Variants in NSUN7 observed in about 807,000 individuals in gnomAD.
The protein encoded by NSUN7 is protein NSUN7.
NSUN7 carries 39 observed loss-of-function variants against 58.5 expected under a neutral mutation model. That is an observed-to-expected ratio of 0.67 (90% CI 0.52 to 0.87). NSUN7 has a LOEUF of 0.87. NSUN7 is among the 40% of genes least tolerant of loss of function. NSUN7 has a pLI of 0.00. For missense variants in NSUN7, 765 were observed against 844.1 expected (o/e 0.91, Z 1.16); for synonymous variants, 278 against 303.7 (o/e 0.92, Z 0.88).
At position 40,808,647 on chromosome 4, in the gene NSUN7, C is replaced by T. The variant is rs1560568109; in HGVS notation, c.1865C>T (p.Thr622Ile). 6.4e-7 allele frequency: 1 copy of T among 1,551,942 alleles called. No individual in the cohort carries two copies. The highest frequency in any genetic ancestry group is 2.0e-5 in the Admixed American group (1 of 50,990). The change falls in exon 12 of 12, where the codon ACT (threonine) becomes ATT (isoleucine). Residue 622 changes from threonine to isoleucine, a missense_variant. Coordinates refer to ENST00000381782, the MANE Select transcript of NSUN7 (RefSeq NM_024677.6). ...HPAVPAFVKNTCPSRPRERQT... is the reference protein window; with the variant it reads ...HPAVPAFVKNICPSRPRERQT... ...GCAGTGCCTGCATTTGTGAAGAACA[C>T]TTGTCCCTCCAGACCGCGTGAACGG... is the stretch of plus-strand genomic sequence containing the variant.
intron 8 of NSUN7, among the ~76,000 whole-genome samples, chr4:40,792,490 G>A (rs1577577365): frequency 2.0e-5 from 3 of 152,286 alleles, no homozygotes; most frequent in Middle Eastern, 3.4e-3. Flanking sequence ...GGTGGCTCAC[G>A]CCTGTAATCC....
At chr4:40,790,469 T>C (rs1430428185) in intron 7 of NSUN7, 133 bp from the exon 8 acceptor site, 2 of 576,812 alleles carry the variant, frequency 3.5e-6, no homozygotes, top group Non-Finnish European at 5.9e-6. Flanking sequence ...AATAGCCTTC[T>C]TTTCTAACTA....
intron 7 of NSUN7, among the ~76,000 whole-genome samples, chr4:40,778,512 G>A (rs1227605484): frequency 6.6e-6 from 1 of 152,210 alleles, no homozygotes; most frequent in African/African-American, 2.4e-5. Flanking sequence ...GGGACCCCAG[G>A]GACCTAGGTA....
At chr4:40,770,409 A>G (rs1246604309) in intron 4 of NSUN7, among the ~76,000 whole-genome samples, 1 of 152,140 alleles carries the variant, frequency 6.6e-6, no homozygotes, top group Non-Finnish European at 1.5e-5. Context: ...CCTGCACAGC[A>G]TGTTATGTAC....
At chr4:40,766,789 CT>C (rs1371469437) in intron 4 of NSUN7, among the ~76,000 whole-genome samples, 1 of 151,420 alleles carries the variant, frequency 6.6e-6, no homozygotes, top group Non-Finnish European at 1.5e-5. Flanking sequence ...AGAGATTCAA[CT>C]TCTTCCTGGT....
intron 9 of NSUN7, 55 bp downstream of exon 9, chr4:40,794,531 T>C (rs1743235513): frequency 9.4e-7 from 1 of 1,065,820 alleles, no homozygotes; most frequent in South Asian, 1.3e-5. Context: ...TTTAGAAATA[T>C]TAGTCTTTCA....
chr4:40,794,500 T>C, intron 9 of NSUN7, 24 bp downstream of exon 9: 1 of 1,370,842 alleles, frequency 7.3e-7, no homozygotes, highest in Non-Finnish European at 1.0e-6. Flanking sequence ...AGGCACCATC[T>C]TGTTAAAATA....
intron 2 of NSUN7, among the ~76,000 whole-genome samples, chr4:40,757,617 GTATATA>G (rs569038204): frequency 2.2e-4 from 31 of 141,472 alleles, no homozygotes; most frequent in African/African-American, 8.0e-4. Flanking sequence ...TACATTGTGT[GTATATA>G]TATATACATT....
chr4:40,808,288 A>G lies in NSUN7; in HGVS notation c.1525-19A>G, dbSNP rs773477385. On this transcript the variant is annotated intron_variant, in intron 11 of 11. Transcript: ENST00000381782. Reference sequence around the variant, plus strand: ...TAATAGCTAACTCCCACATTTAGTAAATGCTTCTTTAATTGCAGCGGGACC... The same window carrying G: ...TAATAGCTAACTCCCACATTTAGTAGATGCTTCTTTAATTGCAGCGGGACC... 4 of 1,580,818 alleles carry G rather than the reference A, an allele frequency of 2.5e-6. No individual in the cohort carries two copies. Among genetic ancestry groups the G allele is most frequent in the Non-Finnish European group, 3.4e-6 (4 of 1,165,142 alleles).
Position 40,792,614 on chromosome 4 carries a change from G to A in NSUN7, c.1181-1761G>A, listed in dbSNP as rs561043065. On this transcript the variant is annotated intron_variant, in intron 8 of 11. Transcript: ENST00000381782. ...AAAATACAAAAAATTAGCCGGGCGA[G>A]GTGGCGGGCGCCTGTAGTCCCAGCT... is the stretch of plus-strand genomic sequence containing the variant. 5.1e-4 allele frequency among the ~76,000 whole-genome samples: 77 copies of A among 152,272 alleles called. 1 individual carries two copies. Among genetic ancestry groups the A allele is most frequent in the South Asian group, 2.7e-3 (13 of 4,824 alleles).
intron 2 of NSUN7, among the ~76,000 whole-genome samples, chr4:40,752,658 G>A (rs896618662): frequency 4.6e-5 from 7 of 151,948 alleles, no homozygotes; most frequent in Admixed American, 6.6e-5. Context: ...CTGACTTTGT[G>A]ATCCACCCAC....
At chr4:40,760,311 T>C in intron 2 of NSUN7, 123 bp from the exon 3 acceptor site, 1 of 707,286 alleles carries the variant, frequency 1.4e-6, no homozygotes. Flanking sequence ...TTATCCAGAA[T>C]TGAGGTATAT....
chr4:40,786,714 A>G (rs2154288388), intron 7 of NSUN7: 4 of 1,564,874 alleles, frequency 2.6e-6, no homozygotes, highest in Non-Finnish European at 3.5e-6. Flanking sequence ...AGAAAGATGA[A>G]TATCAATACC....
intron 1 of NSUN7, 95 bp from the exon 2 acceptor site, chr4:40,750,508 G>T: frequency 3.8e-6 from 2 of 522,756 alleles, no homozygotes; most frequent in Non-Finnish European, 6.7e-6. Context: ...GACGGGAAAT[G>T]CTCCCTCTTA....
chr4:40,785,423 G>A (rs1742769090), intron 7 of NSUN7, among the ~76,000 whole-genome samples: 1 of 152,112 alleles, frequency 6.6e-6, no homozygotes, highest in Non-Finnish European at 1.5e-5. Flanking sequence ...GCAATGGCGT[G>A]ATCTTGGCTC....
chr4:40,799,073 CTTTTTTTTTT>C (rs761448412), intron 10 of NSUN7, among the ~76,000 whole-genome samples, 169 bp downstream of exon 10: 13 of 76,208 alleles, frequency 1.7e-4, no homozygotes, highest in African/African-American at 5.5e-4. Context: ...GGGCCTTTTT[CTTTTTTTTTT>C]TTTTTTTTTT....
intron 8 of NSUN7, among the ~76,000 whole-genome samples, chr4:40,792,804 C>G (rs1206846279): frequency 2.6e-5 from 4 of 151,850 alleles, no homozygotes; most frequent in Non-Finnish European, 5.9e-5. Context: ...TTGAAGGAAC[C>G]TGTACTCTGA....
In NSUN7 at chr4:40,798,867, G is replaced by T; in HGVS notation, c.1363G>T (p.Glu455Ter). The change falls in exon 10 of 12, where the codon GAA becomes TAA. Residue 455 changes from glutamate to a stop codon, truncating the protein, a stop_gained. Transcript: ENST00000381782. LOFTEE classifies it high-confidence loss of function. ...TGAAGCTGTTGTTAAGAAAGCACTG[G>T]AATTTCAAGACCTTGGGAATAAAGG... Reference protein sequence around the residue: ...ENEAVVKKALEFQDLGNKGQP... With the variant: ...ENEAVVKKAL 7.4e-6 allele frequency: 12 copies of T among 1,611,280 alleles called. No homozygotes were observed. The highest frequency in any genetic ancestry group is 1.0e-5 in the Non-Finnish European group (12 of 1,178,044).
intron 10 of NSUN7, among the ~76,000 whole-genome samples, chr4:40,805,652 TAACA>T (rs1743781008): frequency 6.6e-6 from 1 of 152,166 alleles, no homozygotes; most frequent in Non-Finnish European, 1.5e-5. Flanking sequence ...TGGCTTATGA[TAACA>T]AACATTTATT....
Sources: gnomAD v4.1 joint callset for allele counts (sites outside exome capture counted in the v4.1 genomes callset) on GRCh38, gnomAD v4.1.1 for gene constraint, MANE v1.5 for transcripts, NCBI Gene and HGNC (gene_info 2026-07-23, HGNC 2026-07-21) for gene names.